The following COL23A1 variants were observed in gnomAD, a reference collection of about 807,000 sequenced individuals.
COL23A1 encodes collagen alpha-1(XXIII) chain.
A neutral mutation model predicts 99.3 loss-of-function variants in COL23A1; 97 were observed. The ratio of observed to expected loss-of-function variants is 0.98; its 90% CI spans 0.83 to 1.16. The LOEUF (loss-of-function observed/expected upper bound fraction) is 1.16, where lower values mean the gene tolerates loss of function less well. COL23A1 is among the 50% of genes most tolerant of loss of function. The probability of loss-of-function intolerance (pLI) is 0.00; values close to 1 mark genes in which losing one functional copy is unlikely to be tolerated. For missense variants in COL23A1, 762 were observed against 757.4 expected (o/e 1.01, Z -0.07); for synonymous variants, 320 against 308.2 (o/e 1.04, Z -0.40).
At chr5:178,250,155 G>T in intron 17 of COL23A1, 50 bp from the exon 18 acceptor site, 1 of 1,609,866 alleles carries the variant, frequency 6.2e-7, no homozygotes, top group South Asian at 1.1e-5. Context: ...TTCCTAAAGA[G>T]GTGTCAGCAG....
At chr5:178,523,231 G>GAGAGAC (rs1491275726) in intron 2 of COL23A1, among the ~76,000 whole-genome samples, 1 of 108,860 alleles carries the variant, frequency 9.2e-6, no homozygotes, top group Non-Finnish European at 1.9e-5. Context: ...GAGAGACAGA[G>GAGAGAC]GGAGAGACAG....
chr5:178,442,594 C>T (rs573191890), intron 2 of COL23A1, among the ~76,000 whole-genome samples: 59 of 152,242 alleles, frequency 3.9e-4, no homozygotes, highest in African/African-American at 1.1e-3. Flanking sequence ...AAACCCAGGG[C>T]GCCAAAGGGG....
At chr5:178,383,822 G>A (rs539747896) in intron 2 of COL23A1, among the ~76,000 whole-genome samples, 250 of 151,748 alleles carry the variant, frequency 1.6e-3, no homozygotes, top group Non-Finnish European at 2.4e-3. Flanking sequence ...CCTTTGTGTG[G>A]TCACCTCCCC....
At chr5:178,391,679 C>T (rs1763971134) in intron 2 of COL23A1, among the ~76,000 whole-genome samples, 1 of 152,062 alleles carries the variant, frequency 6.6e-6, no homozygotes, top group Non-Finnish European at 1.5e-5. Context: ...CTGGCAGGTG[C>T]TCAAATGGCT....
Position 178,590,231 on chromosome 5 carries a change from G to T in COL23A1, c.-34C>A. The T allele has an allele frequency of 1.7e-6, 2 of 1,208,588 alleles. No homozygotes were observed. The highest frequency in any genetic ancestry group is 8.0e-5 in the South Asian group (2 of 25,040). 74.9% of individuals were successfully genotyped at this position (1,208,588 alleles called of 1,614,324 possible). A position where few individuals can be genotyped will look rare whatever the true frequency, so the allele number is the denominator to read the frequency against. Reference sequence around the variant, plus strand: ...CGTCGCGCGTGGACTCTCCGAGGGGGCGGTGCTGCTGGGGCAGAGGCTGGG... The same window carrying T: ...CGTCGCGCGTGGACTCTCCGAGGGGTCGGTGCTGCTGGGGCAGAGGCTGGG... On this transcript the variant is annotated 5_prime_UTR_variant, in exon 1 of 29. Transcript: ENST00000390654. The surrounding 1 kb of genome is among the most constrained non-coding windows in gnomAD (Gnocchi z 5.7).
intron 7 of COL23A1, among the ~76,000 whole-genome samples, 173 bp from the exon 8 acceptor site, chr5:178,267,506 G>A (rs1449546027): frequency 1.3e-5 from 2 of 152,194 alleles, no homozygotes; most frequent in Non-Finnish European, 2.9e-5. Context: ...GACACAGTGA[G>A]GCCACTTAAC....
intron 2 of COL23A1, among the ~76,000 whole-genome samples, chr5:178,498,553 G>A (rs1758358384): frequency 6.6e-6 from 1 of 151,338 alleles, no homozygotes; most frequent in South Asian, 2.1e-4. Flanking sequence ...ATGAAAAGAA[G>A]GGAATATAAA....
chr5:178,553,490 T>C lies in COL23A1; in HGVS notation c.361+7192A>G, dbSNP rs114243886. 4.6e-3 allele frequency among the ~76,000 whole-genome samples: 696 copies of C among 152,342 alleles called. 9 individuals carry two copies. Among genetic ancestry groups the C allele is most frequent in the African/African-American group, 0.015 (640 of 41,584 alleles). ...CTGGAAAATCACCCGACATTGCAAGTACAGTGCCCATCCTTGGAAACCAAG... is the reference window on the plus strand; with the variant it reads ...CTGGAAAATCACCCGACATTGCAAGCACAGTGCCCATCCTTGGAAACCAAG... On this transcript the variant is annotated intron_variant, in intron 2 of 28. Coordinates refer to ENST00000390654, the MANE Select transcript of COL23A1 (RefSeq NM_173465.4).
intron 1 of COL23A1, chr5:178,562,821 A>G (rs1762668464): frequency 6.7e-6 from 1 of 150,332 alleles, no homozygotes; most frequent in African/African-American, 2.5e-5. Flanking sequence ...TGATTGGTCC[A>G]CTTTACAGAA....
Position 178,305,255 on chromosome 5 carries a change from T to C in COL23A1, c.406+1620A>G, listed in dbSNP as rs184060247. On this transcript the variant is annotated intron_variant, in intron 3 of 28. Transcript: ENST00000390654. ...AGAGAGAGAAATGAAGGGTGCTTCT[T>C]GCCGGTGAGCGCTAAGGAGTGTATC... Among the ~76,000 whole-genome samples, 223 of 152,294 alleles carry C rather than the reference T, an allele frequency of 1.5e-3. 2 individuals are homozygous for C. The highest frequency in any genetic ancestry group is 4.8e-3 in the African/African-American group (198 of 41,550).
chr5:178,445,448 G>A (rs1049786740), intron 2 of COL23A1, among the ~76,000 whole-genome samples: 10 of 151,940 alleles, frequency 6.6e-5, no homozygotes, highest in Non-Finnish European at 1.5e-4. Flanking sequence ...TTGGCCATTT[G>A]TACATGTTTA....
At position 178,468,146 on chromosome 5, in the gene COL23A1, G is replaced by T. The variant is rs976703838; in HGVS notation, c.361+92536C>A. Among the ~76,000 whole-genome samples, 1 of 152,152 alleles carries T rather than the reference G, an allele frequency of 6.6e-6. No individual in the cohort carries two copies. The highest frequency in any genetic ancestry group is 1.5e-5 in the Non-Finnish European group (1 of 68,028). ...GAAATCTGAGTGCCAGAAAGAGAGC[G>T]CCGGCTTTGGGGTGTGCTTGTGTGT... On this transcript the variant is annotated intron_variant, in intron 2 of 28. Transcript: ENST00000390654. This position sits in a 1 kb window ranked among gnomAD's most constrained non-coding sequence, Gnocchi z 4.2.
Position 178,560,666 on chromosome 5 carries a change from C to T in COL23A1, c.361+16G>A. The stretch of plus-strand genomic sequence containing the variant: ...GCCGAACGCAGGAGCCAGAAGGGAG[C>T]TCAACCTTCACTTACCTGGGGGGCA... On this transcript the variant is annotated intron_variant, in intron 2 of 28. Coordinates refer to ENST00000390654, the MANE Select transcript of COL23A1 (RefSeq NM_173465.4). 6.2e-7 allele frequency: 1 copy of T among 1,609,598 alleles called. No homozygotes were observed. The highest frequency in any genetic ancestry group is 1.3e-5 in the African/African-American group (1 of 74,814).
chr5:178,358,033 T>TGC (rs1761831677), intron 2 of COL23A1, among the ~76,000 whole-genome samples: 1 of 147,632 alleles, frequency 6.8e-6, no homozygotes, highest in Non-Finnish European at 1.5e-5. Flanking sequence ...TGTATGCGTA[T>TGC]GTGTATGTGT....
At position 178,413,713 on chromosome 5, in the gene COL23A1, G is replaced by T. The variant is rs571747133; in HGVS notation, c.362-106794C>A. 2.0e-5 allele frequency among the ~76,000 whole-genome samples: 3 copies of T among 152,362 alleles called. No homozygotes were observed. The East Asian group carries it at 5.8e-4, about 29-fold the overall frequency. On this transcript the variant is annotated intron_variant, in intron 2 of 28. Coordinates refer to ENST00000390654, the MANE Select transcript of COL23A1 (RefSeq NM_173465.4). ...CTCTTAGCTTGGGGTAACTGGGAAG[G>T]TCTCATTAGCCTATGTGGGGATGGG... is the stretch of plus-strand genomic sequence containing the variant.
intron 2 of COL23A1, among the ~76,000 whole-genome samples, chr5:178,467,425 A>T (rs2672842): frequency 6.6e-6 from 1 of 152,302 alleles, no homozygotes; most frequent in Non-Finnish European, 1.5e-5. Flanking sequence ...GGGTGACCCT[A>T]CCCCACTCCC....
intron 18 of COL23A1, 58 bp from the exon 19 acceptor site, chr5:178,249,264 C>A: frequency 2.6e-6 from 4 of 1,517,440 alleles, no homozygotes; most frequent in Admixed American, 1.7e-5. Flanking sequence ...CCCTTCTCCC[C>A]CCAGCAGGTC....
Position 178,360,898 on chromosome 5 carries a change from G to T in COL23A1, c.362-53979C>A, listed in dbSNP as rs143601657. On this transcript the variant is annotated intron_variant, in intron 2 of 28. Coordinates refer to ENST00000390654, the MANE Select transcript of COL23A1 (RefSeq NM_173465.4). ...TGCTACGCACCTGGGGCTTAACCTC[G>T]AGCAGCTGTGTGGGCTTTATCAGGC... Among the ~76,000 whole-genome samples, 9 of 151,910 alleles carry T rather than the reference G, an allele frequency of 5.9e-5. No homozygotes were observed. The East Asian group carries it at 1.8e-3, about 30-fold the overall frequency.
intron 2 of COL23A1, among the ~76,000 whole-genome samples, chr5:178,329,862 G>A (rs1009218830): frequency 2.6e-5 from 4 of 152,050 alleles, no homozygotes; most frequent in South Asian, 2.1e-4. Context: ...ACTTGAACCC[G>A]GGAGGCGGAG....
Sources: allele counts gnomAD v4.1 joint callset (sites outside exome capture counted in the v4.1 genomes callset), GRCh38; gene constraint gnomAD v4.1.1; non-coding constraint Gnocchi (gnomAD v3.1); transcripts MANE v1.5; gene names NCBI Gene and HGNC (gene_info 2026-07-23, HGNC 2026-07-21).